Variants in COP1 observed in about 807,000 individuals in gnomAD.
The protein encoded by COP1 is E3 ubiquitin-protein ligase COP1.
A neutral mutation model predicts 101.3 loss-of-function variants in COP1; 24 were observed. That is an observed-to-expected ratio of 0.24 (90% CI 0.17 to 0.33). The LOEUF is 0.33. Ranked by LOEUF, COP1 falls within the 10% of genes least tolerant of loss-of-function variation. The pLI is 1.00. For synonymous variants in COP1, 347 were observed against 341.9 expected (o/e 1.01, Z -0.17); for missense variants, 663 against 906.2 (o/e 0.73, Z 3.45).
At chr1:175,995,749 G>T (rs1293022327) in intron 15 of COP1, among the ~76,000 whole-genome samples, 7 of 152,138 alleles carry the variant, frequency 4.6e-5, no homozygotes, top group Non-Finnish European at 4.4e-5. Context: ...ATTGTGGCAA[G>T]AATCAATAGC....
At chr1:176,085,250 C>T (rs1167265635) in intron 10 of COP1, among the ~76,000 whole-genome samples, 1 of 151,768 alleles carries the variant, frequency 6.6e-6, no homozygotes, top group East Asian at 1.9e-4. Flanking sequence ...ATTTTCAATT[C>T]GGCCTGGATT....
intron 9 of COP1, among the ~76,000 whole-genome samples, chr1:176,115,745 AAAAAT>A (rs888369845): frequency 6.6e-6 from 1 of 152,146 alleles, no homozygotes; most frequent in Non-Finnish European, 1.5e-5. Context: ...TCTGTTTCAA[AAAAAT>A]AAAATAAAAT....
intron 8 of COP1, among the ~76,000 whole-genome samples, chr1:176,125,624 T>C (rs760379500): frequency 1.4e-4 from 22 of 152,218 alleles, no homozygotes; most frequent in Admixed American, 5.9e-4. Context: ...TTGGTTACTA[T>C]AGCTATATAG....
chr1:176,002,000 G>A (rs145211583), intron 15 of COP1, among the ~76,000 whole-genome samples: 313 of 152,178 alleles, frequency 2.1e-3, no homozygotes, highest in African/African-American at 7.3e-3. Flanking sequence ...TACTTGCTGA[G>A]CAACTTTTTG....
chr1:176,187,844 A>G (rs1310154584), intron 1 of COP1, among the ~76,000 whole-genome samples: 4 of 152,166 alleles, frequency 2.6e-5, no homozygotes, highest in Non-Finnish European at 4.4e-5. Context: ...GACTGGTGCT[A>G]TGGTCTGATA....
Position 176,011,205 on chromosome 1 carries a change from G to C in COP1, c.1729+16367C>G, listed in dbSNP as rs184926085. On this transcript the variant is annotated intron_variant, in intron 15 of 19. Coordinates refer to ENST00000367669, the MANE Select transcript of COP1 (RefSeq NM_022457.7). ...GTGCTGTCCAGTACAGTAGTCACTAGCCACATGTGGTTATTTAAGTTATAT... is the reference window on the plus strand; with the variant it reads ...GTGCTGTCCAGTACAGTAGTCACTACCCACATGTGGTTATTTAAGTTATAT... Among the ~76,000 whole-genome samples, 199 of 152,242 alleles carry C rather than the reference G, an allele frequency of 1.3e-3. 2 individuals are homozygous for C. The highest frequency in any genetic ancestry group is 4.5e-3 in the African/African-American group (185 of 41,552).
intron 8 of COP1, among the ~76,000 whole-genome samples, chr1:176,126,426 G>A (rs933142055): frequency 3.3e-5 from 5 of 152,180 alleles, no homozygotes; most frequent in African/African-American, 1.2e-4. Context: ...TTATCATGAA[G>A]GAACATTGAA....
At chr1:176,063,911 A>C (rs1675435547) in intron 11 of COP1, among the ~76,000 whole-genome samples, 1 of 152,218 alleles carries the variant, frequency 6.6e-6, no homozygotes, top group Admixed American at 6.5e-5. Context: ...GTAAGTAATG[A>C]TAAAACATAA....
chr1:176,063,312 G>A (rs557539278), intron 11 of COP1, among the ~76,000 whole-genome samples: 48 of 151,280 alleles, frequency 3.2e-4, no homozygotes, highest in African/African-American at 1.1e-3. Context: ...CACCCGCCTC[G>A]GCCTCCCAAA....
chr1:175,958,370 C>T (rs1044519171), intron 18 of COP1, among the ~76,000 whole-genome samples: 1 of 33,728 alleles, frequency 3.0e-5, no homozygotes, highest in African/African-American at 3.9e-5. Context: ...TCTCTGTAAC[C>T]ATTCAGGTAT....
intron 11 of COP1, among the ~76,000 whole-genome samples, chr1:176,049,268 GCT>G (rs916545601): frequency 6.6e-6 from 1 of 150,850 alleles, no homozygotes; most frequent in Admixed American, 6.6e-5. Flanking sequence ...ATTCAAGACA[GCT>G]CTCTCTCTTT....
chr1:176,021,254 A>C (rs1666712977), intron 15 of COP1, among the ~76,000 whole-genome samples: 1 of 152,320 alleles, frequency 6.6e-6, no homozygotes, highest in African/African-American at 2.4e-5. Context: ...TCCAAATTTT[A>C]TTGGTTTTTA....
chr1:175,952,728 G>A (rs771839926), intron 18 of COP1, among the ~76,000 whole-genome samples: 64 of 152,064 alleles, frequency 4.2e-4, no homozygotes, highest in Non-Finnish European at 9.0e-4. Context: ...GGGCAACAGA[G>A]TAATACCTTG....
At chr1:176,002,366 T>C (rs1303094551) in intron 15 of COP1, among the ~76,000 whole-genome samples, 8 of 152,106 alleles carry the variant, frequency 5.3e-5, no homozygotes, top group Non-Finnish European at 1.2e-4. Context: ...TTATTTATTT[T>C]TATTATACTT....
intron 14 of COP1, among the ~76,000 whole-genome samples, chr1:176,033,757 AAATAT>A (rs1669026280): frequency 6.6e-6 from 1 of 152,202 alleles, no homozygotes; most frequent in African/African-American, 2.4e-5. Context: ...TATGTAGGAA[AAATAT>A]TCATATGAAC....
chr1:175,961,979 A>C (rs1651429106), intron 18 of COP1, among the ~76,000 whole-genome samples: 1 of 152,142 alleles, frequency 6.6e-6, no homozygotes, highest in Non-Finnish European at 1.5e-5. Context: ...AGTTAACGAG[A>C]TGAAAATATG....
At chr1:176,144,969 A>G (rs922617874) in intron 6 of COP1, among the ~76,000 whole-genome samples, 1 of 152,162 alleles carries the variant, frequency 6.6e-6, no homozygotes, top group African/African-American at 2.4e-5. Context: ...GACTTCTTTA[A>G]GTGACACAAA....
At chr1:175,972,344 T>C (rs1455486233) in intron 18 of COP1, among the ~76,000 whole-genome samples, 2 of 152,204 alleles carry the variant, frequency 1.3e-5, no homozygotes, top group African/African-American at 2.4e-5. Context: ...AAGACGTATT[T>C]TTCTGCTTTT....
chr1:175,960,526 GAAGACTATT>G (rs1002431940), intron 18 of COP1, among the ~76,000 whole-genome samples: 13 of 152,190 alleles, frequency 8.5e-5, no homozygotes, highest in Admixed American at 5.2e-4. Context: ...AAGCAAAACA[GAAGACTATT>G]ATGGAGGCTA....
Sources: gnomAD v4.1 joint callset for allele counts (sites outside exome capture counted in the v4.1 genomes callset) on GRCh38, gnomAD v4.1.1 for gene constraint, MANE v1.5 for transcripts, NCBI Gene and HGNC (gene_info 2026-07-23, HGNC 2026-07-21) for gene names.